RBMS3: variants seen among roughly 807,000 people sequenced by gnomAD.
The protein encoded by RBMS3 is RNA-binding motif, single-stranded-interacting protein 3.
In RBMS3, 27 loss-of-function variants were observed where a neutral mutation model predicts 66.8. The ratio of observed to expected loss-of-function variants is 0.40; its 90% confidence interval spans 0.30 to 0.56. The LOEUF (loss-of-function observed/expected upper bound fraction) is 0.56, where lower values mean the gene tolerates loss of function less well. RBMS3 is among the 20% of genes least tolerant of loss of function. The probability of loss-of-function intolerance (pLI) is 0.40; values close to 1 mark genes in which losing one functional copy is unlikely to be tolerated. For missense variants in RBMS3, 513 were observed against 549.5 expected, an observed-to-expected ratio of 0.93 and a Z score of 0.66; for synonymous variants, 188 against 183.0, an observed-to-expected ratio of 1.03 and a Z score of -0.22.
chr3:30,004,198 G>T lies in RBMS3; in HGVS notation c.*336G>T. On this transcript the variant is annotated 3_prime_UTR_variant, in exon 15 of 15. Coordinates refer to ENST00000383767, the MANE Select transcript of RBMS3 (RefSeq NM_001003793.3). ...GAATTGAATTCAGAATTTTTCTGAA[G>T]GTGTAGATACTTTTTTTTTTTTTTT... 1.0e-5 allele frequency: 2 copies of T among 197,176 alleles called. No homozygotes were observed. Among genetic ancestry groups the T allele is most frequent in the Non-Finnish European group, 2.0e-5 (2 of 98,998 alleles). The allele number at this position is 197,176 out of a possible 1,614,324, so 12.2% of individuals were successfully genotyped here. A position where few individuals can be genotyped will look rare whatever the true frequency, so the allele number is the denominator to read the frequency against.
intron 1 of RBMS3, among the ~76,000 whole-genome samples, chr3:29,338,458 T>A (rs1015993026): frequency 2.0e-5 from 3 of 152,184 alleles, no homozygotes; most frequent in African/African-American, 7.2e-5. Flanking sequence ...GTTCTCAAAG[T>A]GTGGTCCCTG....
intron 1 of RBMS3, among the ~76,000 whole-genome samples, chr3:29,429,114 G>C (rs1482878281): frequency 6.6e-6 from 1 of 152,148 alleles, no homozygotes; most frequent in Non-Finnish European, 1.5e-5. Context: ...TCTGGAGTCA[G>C]AGTCCCTGGC....
intron 1 of RBMS3, among the ~76,000 whole-genome samples, chr3:29,323,797 C>A (rs944660369): frequency 3.3e-5 from 5 of 151,780 alleles, no homozygotes; most frequent in African/African-American, 9.7e-5. Flanking sequence ...AATTCACACC[C>A]CTTCTTATTT....
At chr3:29,316,148 G>T (rs2034662874) in intron 1 of RBMS3, among the ~76,000 whole-genome samples, 2 of 151,648 alleles carry the variant, frequency 1.3e-5, no homozygotes, top group African/African-American at 2.4e-5. Context: ...TAAACAACTG[G>T]TATGGCTGTC....
chr3:29,787,291 A>G (rs1327478052), intron 6 of RBMS3, among the ~76,000 whole-genome samples: 1 of 152,204 alleles, frequency 6.6e-6, no homozygotes, highest in Non-Finnish European at 1.5e-5. Flanking sequence ...TTAAAGAACT[A>G]AAAGTAGATG....
chr3:29,810,827 T>C (rs4444669), intron 6 of RBMS3, among the ~76,000 whole-genome samples: 84,961 of 151,996 alleles, frequency 0.56, 24,739 homozygotes, highest in African/African-American at 0.7. Context: ...TGTTACATTT[T>C]GTTTTTACAA....
chr3:29,454,182 G>C (rs1300687784), intron 2 of RBMS3, among the ~76,000 whole-genome samples: 1 of 152,206 alleles, frequency 6.6e-6, no homozygotes, highest in Non-Finnish European at 1.5e-5. Flanking sequence ...CTCCCTGTAG[G>C]TATTCCCCTC....
At chr3:29,894,688 C>T (rs1371378323) in intron 8 of RBMS3, among the ~76,000 whole-genome samples, 4 of 151,470 alleles carry the variant, frequency 2.6e-5, no homozygotes, top group Non-Finnish European at 4.4e-5. Flanking sequence ...CAGTCCATAA[C>T]ATATAAAAAT....
At chr3:29,467,108 T>C (rs975956956) in intron 2 of RBMS3, among the ~76,000 whole-genome samples, 1 of 152,214 alleles carries the variant, frequency 6.6e-6, no homozygotes, top group Non-Finnish European at 1.5e-5. Flanking sequence ...TGGCTTTTCT[T>C]TTCCTTGAAC....
chr3:29,570,867 G>A (rs1576258061), intron 3 of RBMS3, among the ~76,000 whole-genome samples: 1 of 152,182 alleles, frequency 6.6e-6, no homozygotes, highest in Admixed American at 6.5e-5. Flanking sequence ...GTATCATATG[G>A]TAGCTCTATT....
intron 12 of RBMS3, among the ~76,000 whole-genome samples, chr3:29,974,742 C>A (rs1577292591): frequency 6.7e-6 from 1 of 148,834 alleles, no homozygotes; most frequent in South Asian, 2.1e-4. Context: ...TCTGTGAGAC[C>A]CATCCATATT....
chr3:29,740,443 A>G (rs9310911), intron 5 of RBMS3, among the ~76,000 whole-genome samples: 3,973 of 152,014 alleles, frequency 0.026, 162 homozygotes, highest in African/African-American at 0.09. Context: ...TAGGCAGAAC[A>G]GGGGAAAAAA....
At chr3:29,788,784 A>G (rs1385613160) in intron 6 of RBMS3, among the ~76,000 whole-genome samples, 1 of 152,182 alleles carries the variant, frequency 6.6e-6, no homozygotes, top group Non-Finnish European at 1.5e-5. Flanking sequence ...AATATAGTAT[A>G]TGCTTATTTA....
At chr3:29,422,542 A>G (rs1240490481) in intron 1 of RBMS3, among the ~76,000 whole-genome samples, 1 of 152,042 alleles carries the variant, frequency 6.6e-6, no homozygotes, top group Non-Finnish European at 1.5e-5. Flanking sequence ...GTCCTCATAG[A>G]GGTTTATAAT....
At chr3:29,953,650 C>T (rs114837794) in intron 12 of RBMS3, among the ~76,000 whole-genome samples, 1,789 of 151,978 alleles carry the variant, frequency 0.012, 36 homozygotes, top group African/African-American at 0.041. Context: ...GTTCTAGGCA[C>T]TGTTCTTAGT....
chr3:29,853,423 CTTTTT>C (rs71091081), intron 6 of RBMS3, among the ~76,000 whole-genome samples: 3 of 84,528 alleles, frequency 3.5e-5, no homozygotes, highest in African/African-American at 1.6e-4. Context: ...AATTTACTTT[CTTTTT>C]TTTTTTTTTT....
intron 1 of RBMS3, among the ~76,000 whole-genome samples, chr3:29,432,023 C>A (rs2041227410): frequency 6.6e-6 from 1 of 152,090 alleles, no homozygotes; most frequent in Non-Finnish European, 1.5e-5. Context: ...CCATAGTGCC[C>A]AGTCTGGACA....
At chr3:29,578,504 T>C (rs928659875) in intron 3 of RBMS3, among the ~76,000 whole-genome samples, 2 of 152,182 alleles carry the variant, frequency 1.3e-5, no homozygotes, top group African/African-American at 4.8e-5. Context: ...TATTTGAGGA[T>C]ATTTATTTAA....
chr3:29,496,359 A>G (rs1461454139), intron 3 of RBMS3, among the ~76,000 whole-genome samples: 1 of 152,150 alleles, frequency 6.6e-6, no homozygotes, highest in African/African-American at 2.4e-5. Flanking sequence ...ATAGGTCATC[A>G]ATATATAAAC....
Sources: allele counts gnomAD v4.1 joint callset (sites outside exome capture counted in the v4.1 genomes callset), GRCh38; gene constraint gnomAD v4.1.1; transcripts MANE v1.5; gene names NCBI Gene and HGNC (gene_info 2026-07-23, HGNC 2026-07-21).